The following NTRK1 variants were observed in gnomAD, a reference collection of about 807,000 sequenced individuals.
NTRK1 encodes the protein neurotrophic receptor tyrosine kinase 1, also known as high affinity nerve growth factor receptor.
A neutral mutation model predicts 86.8 loss-of-function variants in NTRK1; 62 were observed. The observed-to-expected ratio is 0.71, with a 90% CI of 0.58 to 0.88. The LOEUF (loss-of-function observed/expected upper bound fraction) is 0.88, where lower values mean the gene tolerates loss of function less well. NTRK1 is among the 40% of genes least tolerant of loss of function. The probability of loss-of-function intolerance (pLI) is 0.00; values close to 1 mark genes in which losing one functional copy is unlikely to be tolerated. For synonymous variants in NTRK1, 469 were observed against 456.6 expected (o/e 1.03, Z -0.35); for missense variants, 967 against 1,078.4 (o/e 0.90, Z 1.45).
intron 2 of NTRK1, chr1:156,843,015 A>G: frequency 6.2e-7 from 1 of 1,613,156 alleles, no homozygotes. Flanking sequence ...ACATGGTGAC[A>G]CTTGAAGGCT....
intron 7 of NTRK1, among the ~76,000 whole-genome samples, chr1:156,872,152 A>T (rs191927198): frequency 3.6e-4 from 55 of 152,286 alleles, no homozygotes; most frequent in South Asian, 1.2e-3. Flanking sequence ...TCTCTAGATC[A>T]GCCAACAAAT....
intron 1 of NTRK1, among the ~76,000 whole-genome samples, chr1:156,830,052 G>A (rs1654428744): frequency 6.6e-6 from 1 of 152,242 alleles, no homozygotes; most frequent in South Asian, 2.1e-4. Flanking sequence ...CAAGCCCGCT[G>A]TCTAAGCATT....
rs1296833965 is a variant in NTRK1, at chr1:156,860,870, C to T, written c.-65C>T. Reference sequence around the variant, plus strand: ...CGCCCAGCGCACATGTCGGGGGAGGCCTGGCAGCTGCAGCTGGGAGCGCAC... The same window carrying T: ...CGCCCAGCGCACATGTCGGGGGAGGTCTGGCAGCTGCAGCTGGGAGCGCAC... On this transcript the variant is annotated 5_prime_UTR_variant, in exon 1 of 17. Transcript: ENST00000524377. 7.9e-6 allele frequency: 11 copies of T among 1,388,480 alleles called. No individual in the cohort carries two copies. The South Asian group carries it at 1.3e-4, about 17-fold the overall frequency. The allele number at this position is 1,388,480 out of a possible 1,614,324, so 86.0% of individuals were successfully genotyped here.
At position 156,854,455 on chromosome 1, in the gene NTRK1, C is replaced by T. The variant is rs956250952; in HGVS notation, c.51-9899C>T. 33 of 792,774 alleles carry T rather than the reference C, an allele frequency of 4.2e-5. No individual in the cohort carries two copies. The African/African-American group carries it at 5.4e-4, about 13-fold the overall frequency. 49.1% of individuals were successfully genotyped at this position (792,774 alleles called of 1,614,324 possible). A position where few individuals can be genotyped will look rare whatever the true frequency, so the allele number is the denominator to read the frequency against. On this transcript the variant is annotated intron_variant, in intron 2 of 16. Coordinates refer to the NTRK1 transcript ENST00000392302. This position sits in a 1 kb window ranked among gnomAD's most constrained non-coding sequence, Gnocchi z 4.2. ...GGTGTGGGGTGGCCTCCTTCCTGGG[C>T]CCCGGAGGGCTCACCTGCAGCCTGC...
At chr1:156,858,702 C>T, upstream of NTRK1, 1 of 1,185,004 alleles carries the variant, frequency 8.4e-7, no homozygotes. Context: ...CCCTAAGGGA[C>T]ACAGAGACCA....
At position 156,875,524 on chromosome 1, in the gene NTRK1, G is replaced by C. The variant is rs200937156; in HGVS notation, c.1359G>C (p.Pro453=). 6.2e-7 allele frequency: 1 copy of C among 1,613,710 alleles called. No individual in the cohort carries two copies. Among genetic ancestry groups the C allele is most frequent in the Admixed American group, 1.7e-5 (1 of 59,990 alleles). Reference sequence around the variant, plus strand: ...GCGGCTGTGTCTCCTCTCTAGGCCCGGCTGTGCTGGCTCCAGAGGATGGGC... The same window carrying C: ...GCGGCTGTGTCTCCTCTCTAGGCCCCGCTGTGCTGGCTCCAGAGGATGGGC... The part of the protein sequence containing the change: ...GRRNKFGINR[P]AVLAPEDGLA... Residue 453 remains proline (P), a synonymous_variant, in exon 12 of 17, where the codon CCG becomes CCC. Transcript: ENST00000524377.
upstream of NTRK1, among the ~76,000 whole-genome samples, chr1:156,860,205 C>A (rs1475913191): frequency 6.6e-6 from 1 of 152,162 alleles, no homozygotes; most frequent in African/African-American, 2.4e-5. Flanking sequence ...GCAGATCGCA[C>A]CCCCAGGCAC....
intron 13 of NTRK1, 52 bp from the exon 14 acceptor site, chr1:156,876,348 G>T (rs376648734): frequency 6.2e-7 from 1 of 1,612,020 alleles, no homozygotes; most frequent in Non-Finnish European, 8.5e-7. Flanking sequence ...TGGGTGAACA[G>T]CAGTGAGGGC....
rs1222085773 is a variant in NTRK1 at position 156,847,953 on chromosome 1, T to C, written c.50+5760T>C. On this transcript the variant is annotated intron_variant, in intron 2 of 16. Transcript: ENST00000392302. ...CTGGGGGAGATTCACACTGTAGTCA[T>C]GCCAGGGCTCCTTAGAGTGCAGTCC... Among the ~76,000 whole-genome samples, 6 of 152,260 alleles carry C rather than the reference T, an allele frequency of 3.9e-5. No homozygotes were observed. The East Asian group carries it at 9.6e-4, about 24-fold the overall frequency.
intron 2 of NTRK1, chr1:156,849,544 A>AG (rs1242118455): frequency 4.6e-6 from 5 of 1,085,028 alleles, no homozygotes; most frequent in Non-Finnish European, 6.7e-6. Context: ...TCCTCCTGGA[A>AG]GGGTTTTGCT....
In NTRK1 at chr1:156,860,954, G is replaced by C. The variant is rs1286464365; in HGVS notation, c.20G>C (p.Arg7Pro). ...GCCGCGATGCTGCGAGGCGGACGGC[G>C]CGGGCAGCTTGGCTGGCACAGCTGG... Reference protein sequence around the residue: MLRGGRRGQLGWHSWAA... With the variant: MLRGGRPGQLGWHSWAA... The change falls in exon 1 of 17, where the codon CGC becomes CCC. Residue 7 changes from arginine to proline, a missense_variant. Physicochemically the swap from Arg to Pro is moderately radical, Grantham distance 103. Coordinates refer to ENST00000524377, the MANE Select transcript of NTRK1 (RefSeq NM_002529.4). 6.7e-7 allele frequency: 1 copy of C among 1,501,238 alleles called. No individual in the cohort carries two copies. The highest frequency in any genetic ancestry group is 1.3e-5 in the South Asian group (1 of 79,922). 93.0% of individuals were successfully genotyped at this position (1,501,238 alleles called of 1,614,324 possible). A position where few individuals can be genotyped will look rare whatever the true frequency, so the allele number is the denominator to read the frequency against.
At chr1:156,878,380 A>G (rs928430091) in intron 14 of NTRK1, among the ~76,000 whole-genome samples, 1 of 152,184 alleles carries the variant, frequency 6.6e-6, no homozygotes. Flanking sequence ...GGTGCCTGCC[A>G]GGTGCCCCTC....
At chr1:156,863,857 G>A (rs1003413734) in intron 1 of NTRK1, among the ~76,000 whole-genome samples, 2 of 152,162 alleles carry the variant, frequency 1.3e-5, no homozygotes, top group Non-Finnish European at 2.9e-5. Context: ...CCACTGATGA[G>A]TGTGTGCCAG....
chr1:156,858,615 C>CT (rs749821993), upstream of NTRK1: 38 of 1,613,918 alleles, frequency 2.4e-5, no homozygotes, highest in Non-Finnish European at 3.2e-5. Flanking sequence ...AGACTAGGCA[C>CT]TGCCATTGTC....
Position 156,872,273 on chromosome 1 carries a change from C to T in NTRK1, c.850+518C>T, listed in dbSNP as rs72698668. Among the ~76,000 whole-genome samples the T allele has an allele frequency of 1.2e-3, 177 of 152,256 alleles. 1 individual carries two copies. The highest frequency in any genetic ancestry group is 2.2e-3 in the Non-Finnish European group (151 of 68,012). On this transcript the variant is annotated intron_variant, in intron 7 of 16. Coordinates refer to ENST00000524377, the MANE Select transcript of NTRK1 (RefSeq NM_002529.4). Reference sequence around the variant, plus strand: ...ACAATAATTACTCTTACCAGCATCACGGAAGATCCCCCACCACCCAACACC... The same window carrying T: ...ACAATAATTACTCTTACCAGCATCATGGAAGATCCCCCACCACCCAACACC...
At chr1:156,879,493 A>T (rs577266021) in intron 15 of NTRK1, 131 bp downstream of exon 15, 110 of 1,232,694 alleles carry the variant, frequency 8.9e-5, no homozygotes, top group Admixed American at 2.4e-4. Context: ...CTGGTTTTCA[A>T]CCTACCTCCT....
At chr1:156,816,118 G>T in intron 1 of NTRK1, 1 of 1,600,940 alleles carries the variant, frequency 6.2e-7, no homozygotes, top group Non-Finnish European at 8.5e-7. Context: ...GAGGGCTGCC[G>T]GGGTTTCTCA....
intron 1 of NTRK1, among the ~76,000 whole-genome samples, chr1:156,821,696 C>T (rs1571638702): frequency 6.6e-6 from 1 of 152,216 alleles, no homozygotes. Context: ...AGTGCAGTGG[C>T]CAGTTGCTTG....
At chr1:156,872,842 A>G (rs1647640451) in intron 7 of NTRK1, among the ~76,000 whole-genome samples, 1 of 151,478 alleles carries the variant, frequency 6.6e-6, no homozygotes, top group Non-Finnish European at 1.5e-5. Flanking sequence ...CGCCCAGCTA[A>G]TTTTTTGTAT....
Sources: gnomAD v4.1 joint callset for allele counts (sites outside exome capture counted in the v4.1 genomes callset) on GRCh38, gnomAD v4.1.1 for gene constraint, Gnocchi (gnomAD v3.1) non-coding constraint, MANE v1.5 for transcripts, NCBI Gene and HGNC (gene_info 2026-07-23, HGNC 2026-07-21) for gene names.